ADAM22: variants seen among roughly 807,000 people sequenced by gnomAD.
ADAM22 encodes ADAM metallopeptidase domain 22.
Under a neutral mutation model 144.6 loss-of-function variants are expected in ADAM22, and 65 were observed. The observed-to-expected ratio is 0.45, with a 90% CI of 0.37 to 0.55. The LOEUF (loss-of-function observed/expected upper bound fraction) is 0.55. Among genes scored for constraint, ADAM22 ranks in the 20% least tolerant of loss-of-function variants. The probability of loss-of-function intolerance (pLI) is 0.00; values close to 1 mark genes in which losing one functional copy is unlikely to be tolerated. For synonymous variants in ADAM22, 391 were observed against 412.6 expected (o/e 0.95, Z 0.63); for missense variants, 974 against 1,184.9 (o/e 0.82, Z 2.61).
intron 3 of ADAM22, among the ~76,000 whole-genome samples, chr7:88,007,561 A>G (rs1794246401): frequency 6.6e-6 from 1 of 152,190 alleles, no homozygotes; most frequent in Admixed American, 6.5e-5. Flanking sequence ...GTATAGATCA[A>G]TGGAACAGAA....
At chr7:88,005,160 T>C (rs1396292125) in intron 3 of ADAM22, among the ~76,000 whole-genome samples, 1 of 152,112 alleles carries the variant, frequency 6.6e-6, no homozygotes, top group African/African-American at 2.4e-5. Flanking sequence ...AACAAATAAT[T>C]GTGCCCTGTG....
intron 7 of ADAM22, among the ~76,000 whole-genome samples, chr7:88,121,482 C>T (rs572611763): frequency 6.6e-6 from 1 of 152,136 alleles, no homozygotes; most frequent in Non-Finnish European, 1.5e-5. Flanking sequence ...GAATCAGGAA[C>T]CTGGGTGTGG....
At chr7:88,052,761 G>A (rs981946545) in intron 3 of ADAM22, among the ~76,000 whole-genome samples, 3 of 152,044 alleles carry the variant, frequency 2.0e-5, no homozygotes, top group Non-Finnish European at 4.4e-5. Context: ...ACTTTCCCAT[G>A]TCCTTCCCCG....
At chr7:88,002,210 C>G (rs1042280261) in intron 3 of ADAM22, among the ~76,000 whole-genome samples, 4 of 152,166 alleles carry the variant, frequency 2.6e-5, no homozygotes, top group African/African-American at 9.7e-5. Context: ...TGCTCTCTAT[C>G]TTTAGTTTCT....
intron 14 of ADAM22, among the ~76,000 whole-genome samples, chr7:88,139,538 A>AT (rs1458971232): frequency 6.6e-6 from 1 of 152,232 alleles, no homozygotes; most frequent in Non-Finnish European, 1.5e-5. Context: ...GGAAAAGGTG[A>AT]TAAAAACATT....
At chr7:88,037,124 T>C (rs1333591608) in intron 3 of ADAM22, among the ~76,000 whole-genome samples, 1 of 152,104 alleles carries the variant, frequency 6.6e-6, no homozygotes, top group Non-Finnish European at 1.5e-5. Flanking sequence ...TATGAACATA[T>C]TTGCGCAGTA....
chr7:88,198,967 T>C lies in ADAM22; in HGVS notation c.*2476T>C, dbSNP rs1198435004. ...TTAATGTTCTATTCTTGGAATCTACTCTATCTCCCATGTTTAAACATTCTT... is the reference window on the plus strand; with the variant it reads ...TTAATGTTCTATTCTTGGAATCTACCCTATCTCCCATGTTTAAACATTCTT... On this transcript the variant is annotated 3_prime_UTR_variant, in exon 32 of 32. Coordinates refer to ENST00000413139, the MANE Select transcript of ADAM22 (RefSeq NM_001324418.2). 1 of 152,222 alleles carries C rather than the reference T, an allele frequency of 6.6e-6. No homozygotes were observed. The highest frequency in any genetic ancestry group is 1.9e-4 in the East Asian group (1 of 5,204). 9.4% of individuals were successfully genotyped at this position (152,222 alleles called of 1,614,324 possible). A position where few individuals can be genotyped will look rare whatever the true frequency, so the allele number is the denominator to read the frequency against.
Position 88,163,022 on chromosome 7 carries a change from G to A in ADAM22, c.1918G>A (p.Val640Ile). The change falls in exon 23 of 32, where the codon GTT becomes ATT. Residue 640 changes from valine to isoleucine, a missense_variant. By Grantham distance (29) the Val-to-Ile change is conservative. This residue lies in a region of ADAM22 where 734 missense variants were observed against 950.6 expected (regional missense o/e 0.77). Coordinates refer to ENST00000413139, the MANE Select transcript of ADAM22 (RefSeq NM_001324418.2). ...GRTLNCSGGHVKLEEDVDLGY... is the reference protein window; with the variant it reads ...GRTLNCSGGHIKLEEDVDLGY... ...TCAATTTGTTTTTAGTGGTGGGCAT[G>A]TTAAGCTTGAAGAAGATGTAGATCT... 1 of 1,608,588 alleles carries A rather than the reference G, an allele frequency of 6.2e-7. No individual in the cohort carries two copies. Among genetic ancestry groups the A allele is most frequent in the East Asian group, 2.2e-5 (1 of 44,724 alleles).
intron 3 of ADAM22, among the ~76,000 whole-genome samples, chr7:88,050,708 T>G (rs1003941338): frequency 1.3e-5 from 2 of 152,142 alleles, no homozygotes; most frequent in African/African-American, 4.8e-5. Flanking sequence ...ATGGGGTTGT[T>G]TGTTTTTTTC....
intron 2 of ADAM22, among the ~76,000 whole-genome samples, chr7:87,952,379 T>G (rs1845462128): frequency 6.6e-6 from 1 of 152,222 alleles, no homozygotes; most frequent in African/African-American, 2.4e-5. Flanking sequence ...CAAAGGCCTT[T>G]TCTGCATCTA....
chr7:88,096,068 T>G (rs946953322), intron 4 of ADAM22, among the ~76,000 whole-genome samples: 1 of 151,864 alleles, frequency 6.6e-6, no homozygotes, highest in Non-Finnish European at 1.5e-5. Flanking sequence ...ACTATAGGCA[T>G]GTGCTGCCAC....
At chr7:88,196,328 A>G in intron 31 of ADAM22, 143 bp from the exon 32 acceptor site, 1 of 910,574 alleles carries the variant, frequency 1.1e-6, no homozygotes, top group Non-Finnish European at 1.8e-6. Context: ...TGTTTATTCT[A>G]TCCACTTTTT....
At position 88,031,074 on chromosome 7, in the gene ADAM22, C is replaced by T. The variant is rs193237618; in HGVS notation, c.324-44552C>T. ...GAGCTTGCAGTGAACCAAGATCGCGCCACTGCACTCCAGCCTGGGCGACAG... is the reference window on the plus strand; with the variant it reads ...GAGCTTGCAGTGAACCAAGATCGCGTCACTGCACTCCAGCCTGGGCGACAG... On this transcript the variant is annotated intron_variant, in intron 3 of 31. Coordinates refer to ENST00000413139, the MANE Select transcript of ADAM22 (RefSeq NM_001324418.2). Among the ~76,000 whole-genome samples the T allele has an allele frequency of 4.4e-3, 663 of 152,280 alleles. 6 individuals carry two copies. Among genetic ancestry groups the T allele is most frequent in the African/African-American group, 0.015 (630 of 41,566 alleles).
intron 2 of ADAM22, among the ~76,000 whole-genome samples, chr7:87,959,072 C>T (rs1847458030): frequency 6.6e-6 from 1 of 151,134 alleles, no homozygotes; most frequent in Non-Finnish European, 1.5e-5. Context: ...TTTAGAATAT[C>T]TTAATTTTTC....
At chr7:87,970,935 C>T (rs1161417115) in intron 2 of ADAM22, among the ~76,000 whole-genome samples, 1 of 152,032 alleles carries the variant, frequency 6.6e-6, no homozygotes, top group Non-Finnish European at 1.5e-5. Context: ...TTGCATTTTT[C>T]CCTTGAATCT....
At chr7:88,145,671 G>C (rs1425197969) in intron 17 of ADAM22, among the ~76,000 whole-genome samples, 164 bp downstream of exon 17, 1 of 152,180 alleles carries the variant, frequency 6.6e-6, no homozygotes, top group Non-Finnish European at 1.5e-5. Flanking sequence ...GTGTGGTGTA[G>C]TTGCTTATTA....
At chr7:88,150,251 C>T (rs1481829424) in intron 18 of ADAM22, among the ~76,000 whole-genome samples, 1 of 152,176 alleles carries the variant, frequency 6.6e-6, no homozygotes, top group Non-Finnish European at 1.5e-5. Context: ...CTTCTGGTGT[C>T]ATCACTTTTC....
chr7:88,139,537 G>A (rs945108743), intron 14 of ADAM22, among the ~76,000 whole-genome samples: 1 of 152,150 alleles, frequency 6.6e-6, no homozygotes, highest in Non-Finnish European at 1.5e-5. Flanking sequence ...AGGAAAAGGT[G>A]ATAAAAACAT....
intron 3 of ADAM22, among the ~76,000 whole-genome samples, chr7:88,027,816 T>G (rs537452059): frequency 6.6e-6 from 1 of 152,200 alleles, no homozygotes; most frequent in East Asian, 1.9e-4. Context: ...CTTTTTTTTT[T>G]TTTCTGAGAC....
Sources: allele counts gnomAD v4.1 joint callset (sites outside exome capture counted in the v4.1 genomes callset), GRCh38; gene constraint gnomAD v4.1.1; regional missense constraint gnomAD v4.1.1; transcripts MANE v1.5; gene names NCBI Gene and HGNC (gene_info 2026-07-23, HGNC 2026-07-21).